ARHGAP28: variants seen among roughly 807,000 people sequenced by gnomAD.
ARHGAP28 encodes the protein rho GTPase-activating protein 28.
In ARHGAP28, 56 loss-of-function variants were observed where a neutral mutation model predicts 90.7. That is an observed-to-expected ratio of 0.62 (90% CI 0.50 to 0.77). The LOEUF (loss-of-function observed/expected upper bound fraction) is 0.77. Ranked by LOEUF, ARHGAP28 falls within the 30% of genes least tolerant of loss-of-function variation. The pLI is 0.00. For missense variants in ARHGAP28, 869 were observed against 900.9 expected (o/e 0.96, Z 0.45); for synonymous variants, 308 against 323.3 (o/e 0.95, Z 0.51).
chr18:6,900,247 T>A (rs2057331425), intron 16 of ARHGAP28, among the ~76,000 whole-genome samples: 2 of 151,498 alleles, frequency 1.3e-5, no homozygotes, highest in South Asian at 2.1e-4. Context: ...ACATATCATA[T>A]CCAAAATGTT....
intron 10 of ARHGAP28, among the ~76,000 whole-genome samples, chr18:6,877,265 G>A (rs28714332): frequency 0.016 from 2,388 of 152,308 alleles, 58 homozygotes; most frequent in African/African-American, 0.055. Flanking sequence ...AGCAGATGCT[G>A]AGATGGGTGA....
intron 7 of ARHGAP28, among the ~76,000 whole-genome samples, chr18:6,872,992 G>GA (rs768115070): frequency 3.5e-4 from 52 of 147,968 alleles, no homozygotes; most frequent in African/African-American, 8.7e-4. Context: ...GCCCAAGAAG[G>GA]AAAAAAAAAA....
chr18:6,783,557 T>C lies in ARHGAP28; in HGVS notation c.123-41205T>C, dbSNP rs936454457. Among the ~76,000 whole-genome samples the C allele has an allele frequency of 4.0e-4, 57 of 144,296 alleles. 2 individuals carry two copies. The highest frequency in any genetic ancestry group is 2.8e-3 in the Admixed American group (42 of 14,958). 94.7% of individuals were successfully genotyped at this position (144,296 alleles called of 152,430 possible). On this transcript the variant is annotated intron_variant, in intron 1 of 17. Transcript: ENST00000383472. ...CTCAGGTGATCTGCCTGCCTCAGCCTCCCAAAGTGCTGGGATTACAGGCGT... is the reference window on the plus strand; with the variant it reads ...CTCAGGTGATCTGCCTGCCTCAGCCCCCCAAAGTGCTGGGATTACAGGCGT...
At chr18:6,861,003 G>A (rs992786381) in intron 5 of ARHGAP28, among the ~76,000 whole-genome samples, 3 of 152,178 alleles carry the variant, frequency 2.0e-5, no homozygotes, top group Non-Finnish European at 2.9e-5. Context: ...TGCTTTAGAC[G>A]TCATCTCAAA....
At chr18:6,733,147 G>A (rs1255962281) in intron 1 of ARHGAP28, among the ~76,000 whole-genome samples, 3 of 152,148 alleles carry the variant, frequency 2.0e-5, no homozygotes, top group Non-Finnish European at 4.4e-5. Flanking sequence ...AAATGCACTG[G>A]CCTTTAGAGG....
At chr18:6,846,550 A>G (rs1453589570) in intron 3 of ARHGAP28, among the ~76,000 whole-genome samples, 1 of 151,604 alleles carries the variant, frequency 6.6e-6, no homozygotes, top group African/African-American at 2.4e-5. Flanking sequence ...TTCTAATTCA[A>G]TCCTTTTTCT....
intron 5 of ARHGAP28, among the ~76,000 whole-genome samples, chr18:6,862,462 A>G (rs774594185): frequency 5.9e-5 from 9 of 152,220 alleles, no homozygotes; most frequent in Non-Finnish European, 1.3e-4. Flanking sequence ...GATAGCCATG[A>G]CCTAACCCAT....
intron 1 of ARHGAP28, among the ~76,000 whole-genome samples, chr18:6,736,993 TCATTCCATCCTCAAA>T (rs71781057): frequency 0.27 from 41,161 of 151,962 alleles, 6,390 homozygotes; most frequent in South Asian, 0.33. Context: ...GAATTTTTTC[TCATTCCATCCTCAAA>T]CTAAACAATT....
chr18:6,839,406 C>A (rs78980865), intron 3 of ARHGAP28, among the ~76,000 whole-genome samples: 8 of 151,838 alleles, frequency 5.3e-5, no homozygotes, highest in African/African-American at 9.7e-5. Flanking sequence ...CCATTCTCCC[C>A]CCTCAGCCTC....
At chr18:6,790,899 T>C (rs1018841760) in intron 1 of ARHGAP28, 2 of 152,184 alleles carry the variant, frequency 1.3e-5, no homozygotes, top group Non-Finnish European at 2.9e-5. Flanking sequence ...GAATGGTCTG[T>C]AGATCCATTA....
intron 1 of ARHGAP28, among the ~76,000 whole-genome samples, chr18:6,824,242 T>C (rs1195465876): frequency 6.6e-6 from 1 of 152,094 alleles, no homozygotes; most frequent in Non-Finnish European, 1.5e-5. Flanking sequence ...CATTATAAAG[T>C]ACAGAGAATT....
At chr18:6,840,986 A>G (rs779769549) in intron 3 of ARHGAP28, among the ~76,000 whole-genome samples, 2 of 152,118 alleles carry the variant, frequency 1.3e-5, no homozygotes, top group Admixed American at 6.5e-5. Flanking sequence ...AAAATTCGGC[A>G]TCTGTTTTTG....
intron 12 of ARHGAP28, among the ~76,000 whole-genome samples, chr18:6,889,122 G>A (rs1005348197): frequency 2.0e-5 from 3 of 152,152 alleles, no homozygotes; most frequent in African/African-American, 7.2e-5. Context: ...ATTTAGTGCT[G>A]TTTTTCTCAT....
chr18:6,826,476 G>GTT (rs906722178), intron 2 of ARHGAP28, among the ~76,000 whole-genome samples: 2 of 146,224 alleles, frequency 1.4e-5, no homozygotes, highest in African/African-American at 2.5e-5. Context: ...AAGCTCTTTA[G>GTT]TTTTTTTTTT....
chr18:6,868,184 A>G lies in ARHGAP28; in HGVS notation c.761A>G (p.His254Arg), dbSNP rs770388120. 6.2e-7 allele frequency: 1 copy of G among 1,614,152 alleles called. No homozygotes were observed. Among genetic ancestry groups the G allele is most frequent in the South Asian group, 1.1e-5 (1 of 91,078 alleles). Residue 254 changes from histidine to arginine, a missense_variant, in exon 6 of 18, where the codon CAT becomes CGT. Physicochemically the swap from His to Arg is conservative, Grantham distance 29 (BLOSUM62 0). Transcript: ENST00000383472. Reference sequence around the variant, plus strand: ...GAGACCATTCCAGTTCTACCAGTTCATTCCAATGGATCACCGGAGCCTGGA... The same window carrying G: ...GAGACCATTCCAGTTCTACCAGTTCGTTCCAATGGATCACCGGAGCCTGGA... ...ILETIPVLPVHSNGSPEPGQP... is the reference protein window; with the variant it reads ...ILETIPVLPVRSNGSPEPGQP...
At chr18:6,842,656 A>G (rs1226298666) in intron 3 of ARHGAP28, among the ~76,000 whole-genome samples, 1 of 152,150 alleles carries the variant, frequency 6.6e-6, no homozygotes, top group Non-Finnish European at 1.5e-5. Flanking sequence ...TATGTTAATT[A>G]AGAAATGACT....
intron 1 of ARHGAP28, among the ~76,000 whole-genome samples, chr18:6,761,439 G>A (rs989554738): frequency 6.6e-6 from 1 of 152,188 alleles, no homozygotes; most frequent in Non-Finnish European, 1.5e-5. Context: ...ATGTGCACAC[G>A]TATCTCACAG....
intron 4 of ARHGAP28, among the ~76,000 whole-genome samples, chr18:6,854,110 A>T (rs1420365547): frequency 6.6e-6 from 1 of 152,106 alleles, no homozygotes; most frequent in Non-Finnish European, 1.5e-5. Flanking sequence ...GGGGGGTTAT[A>T]TTAGGAACAT....
rs143797436 is a variant in ARHGAP28 at position 6,841,180 on chromosome 18, CCTCTCTCT to C, written c.543+3782_543+3789del. ...CTTTCTCTCTCTCCTCTCTCTCTCT[CCTCTCTCT>C]CTCTCTCTCTCTCTCCTCTCCTCTC... On this transcript the variant is annotated intron_variant, in intron 3 of 17. Transcript: ENST00000383472. Among the ~76,000 whole-genome samples, 11 of 57,068 alleles carry C rather than the reference CCTCTCTCT, an allele frequency of 1.9e-4. No individual in the cohort carries two copies. In the South Asian group the frequency reaches 3.0e-3, roughly 15 times the overall value. The allele number at this position is 57,068 out of a possible 152,430, so 37.4% of individuals were successfully genotyped here. A position where few individuals can be genotyped will look rare whatever the true frequency, so the allele number is the denominator to read the frequency against.
Sources: gnomAD v4.1 joint callset for allele counts (sites outside exome capture counted in the v4.1 genomes callset) on GRCh38, gnomAD v4.1.1 for gene constraint, MANE v1.5 for transcripts, NCBI Gene and HGNC (gene_info 2026-07-23, HGNC 2026-07-21) for gene names.